Variants in TMEFF1 observed in about 807,000 individuals in gnomAD.
TMEFF1 encodes tomoregulin-1.
In TMEFF1, 20 loss-of-function variants were observed where a neutral mutation model predicts 47.5. The observed-to-expected ratio is 0.42, with a 90% CI of 0.30 to 0.61. TMEFF1 has a LOEUF of 0.61. TMEFF1 is among the 20% of genes least tolerant of loss of function. The pLI is 0.19. For synonymous variants in TMEFF1, 162 were observed against 166.3 expected, an observed-to-expected ratio of 0.97 and a Z score of 0.20; for missense variants, 411 against 471.1, an observed-to-expected ratio of 0.87 and a Z score of 1.18.
chr9:100,502,552 C>T (rs1564011835), intron 2 of TMEFF1, among the ~76,000 whole-genome samples: 1 of 152,002 alleles, frequency 6.6e-6, no homozygotes, highest in Non-Finnish European at 1.5e-5. Flanking sequence ...TTTGTAGCGC[C>T]AAGACCTCTA....
At position 100,546,546 on chromosome 9, in the gene TMEFF1, G is replaced by A. The variant is rs537628536; in HGVS notation, c.561-1198G>A. Among the ~76,000 whole-genome samples, 22 of 152,156 alleles carry A rather than the reference G, an allele frequency of 1.4e-4. No individual in the cohort carries two copies. In the South Asian group the frequency reaches 2.1e-3, roughly 14 times the overall value. On this transcript the variant is annotated intron_variant, in intron 5 of 9. Transcript: ENST00000374879. ...TCAGGCCTGCAAAGCCAAAAAATTG[G>A]TAATTGAATTTACCCAGTTTGGCAA...
intron 2 of TMEFF1, among the ~76,000 whole-genome samples, chr9:100,505,709 G>C (rs960213768): frequency 6.6e-6 from 1 of 152,104 alleles, no homozygotes; most frequent in Non-Finnish European, 1.5e-5. Context: ...AGTAATGTCC[G>C]TCTGTCAATG....
intron 5 of TMEFF1, among the ~76,000 whole-genome samples, chr9:100,535,051 G>C (rs1160086834): frequency 6.6e-6 from 1 of 152,072 alleles, no homozygotes. Context: ...TAGCTTCTGG[G>C]TGTGCAAAAA....
intron 7 of TMEFF1, 78 bp downstream of exon 7, chr9:100,550,238 A>G: frequency 2.1e-6 from 3 of 1,452,032 alleles, no homozygotes; most frequent in Non-Finnish European, 2.8e-6. Context: ...TTCTGTTTCC[A>G]TTATAACAAC....
intron 5 of TMEFF1, among the ~76,000 whole-genome samples, chr9:100,547,194 T>A (rs1243166955): frequency 1.3e-5 from 2 of 152,016 alleles, no homozygotes; most frequent in Non-Finnish European, 2.9e-5. Context: ...TTTTTTATTT[T>A]TTGTAGAGAT....
At chr9:100,476,525 G>T (rs1441303653) in intron 1 of TMEFF1, among the ~76,000 whole-genome samples, 1 of 151,756 alleles carries the variant, frequency 6.6e-6, no homozygotes, top group African/African-American at 2.4e-5. Context: ...CTCCGGAGTA[G>T]CTGGGACTAC....
At chr9:100,519,038 G>A (rs1047231589) in intron 5 of TMEFF1, among the ~76,000 whole-genome samples, 1 of 152,098 alleles carries the variant, frequency 6.6e-6, no homozygotes, top group African/African-American at 2.4e-5. Context: ...AAGAACAAAA[G>A]CTCAGTTTAA....
intron 5 of TMEFF1, among the ~76,000 whole-genome samples, chr9:100,536,793 A>G (rs917463650): frequency 2.6e-5 from 4 of 152,242 alleles, no homozygotes; most frequent in Non-Finnish European, 5.9e-5. Context: ...TATACATGAC[A>G]TAGGAAGTCA....
At chr9:100,527,090 C>A (rs1347574721) in intron 5 of TMEFF1, among the ~76,000 whole-genome samples, 2 of 151,380 alleles carry the variant, frequency 1.3e-5, no homozygotes, top group Non-Finnish European at 2.9e-5. Flanking sequence ...TTGCAGTGAG[C>A]CAAAATCGCG....
chr9:100,545,580 A>G (rs1456965701), intron 5 of TMEFF1, among the ~76,000 whole-genome samples: 4 of 152,204 alleles, frequency 2.6e-5, no homozygotes, highest in Non-Finnish European at 5.9e-5. Flanking sequence ...CATTTTCCCC[A>G]TTGTTTTGGG....
At chr9:100,557,272 A>G (rs934663426) in intron 7 of TMEFF1, among the ~76,000 whole-genome samples, 4 of 151,896 alleles carry the variant, frequency 2.6e-5, no homozygotes, top group Non-Finnish European at 4.4e-5. Flanking sequence ...CTCCACACCC[A>G]TTATTAGTCA....
At chr9:100,572,456 A>T in intron 8 of TMEFF1, 62 bp from the exon 9 acceptor site, 1 of 1,434,898 alleles carries the variant, frequency 7.0e-7, no homozygotes, top group Non-Finnish European at 9.2e-7. Flanking sequence ...TTTTTAATGT[A>T]AAAGCTTGGG....
intron 1 of TMEFF1, among the ~76,000 whole-genome samples, chr9:100,488,637 T>C (rs905383183): frequency 6.6e-6 from 1 of 152,202 alleles, no homozygotes; most frequent in African/African-American, 2.4e-5. Context: ...CTCTAAGTGC[T>C]TTCCATATCT....
intron 7 of TMEFF1, among the ~76,000 whole-genome samples, chr9:100,554,985 C>A (rs186866479): frequency 6.6e-6 from 1 of 152,220 alleles, no homozygotes; most frequent in Admixed American, 6.5e-5. Context: ...GCCAGTGGAA[C>A]AAGCCTTTGC....
At chr9:100,489,052 C>T (rs1443824787) in intron 1 of TMEFF1, among the ~76,000 whole-genome samples, 2 of 152,100 alleles carry the variant, frequency 1.3e-5, no homozygotes, top group East Asian at 1.9e-4. Flanking sequence ...AAGTTTCTAC[C>T]TGTTAACAGT....
chr9:100,561,719 T>C lies in TMEFF1; in HGVS notation c.899+199T>C, dbSNP rs183565304. 7.3e-3 allele frequency among the ~76,000 whole-genome samples: 1,110 copies of C among 152,274 alleles called. 19 individuals carry two copies. Among genetic ancestry groups the C allele is most frequent in the Non-Finnish European group, 0.011 (735 of 68,022 alleles). ...TGCAGAAAACAAAAATCTTTTTTTT[T>C]TTTAGGGCTTAACATTTTAAATATA... On this transcript the variant is annotated intron_variant, in intron 8 of 9. Coordinates refer to ENST00000374879, the MANE Select transcript of TMEFF1 (RefSeq NM_003692.5).
chr9:100,507,048 A>G (rs1170091106), intron 2 of TMEFF1, among the ~76,000 whole-genome samples: 1 of 152,054 alleles, frequency 6.6e-6, no homozygotes, highest in Non-Finnish European at 1.5e-5. Flanking sequence ...AGTAGTGTCC[A>G]GTGTCTGTTG....
intron 4 of TMEFF1, among the ~76,000 whole-genome samples, chr9:100,514,884 A>G (rs1177550915): frequency 1.3e-5 from 2 of 151,928 alleles, no homozygotes; most frequent in Admixed American, 6.6e-5. Context: ...AATCCCAGCT[A>G]CTCAGGAGGC....
At chr9:100,513,402 T>C in intron 4 of TMEFF1, 69 bp downstream of exon 4, 3 of 1,506,784 alleles carry the variant, frequency 2.0e-6, no homozygotes, top group South Asian at 2.6e-5. Context: ...TCTTTTTTTT[T>C]TTTTTTTTAA....
Sources: gnomAD v4.1 joint callset for allele counts (sites outside exome capture counted in the v4.1 genomes callset) on GRCh38, gnomAD v4.1.1 for gene constraint, MANE v1.5 for transcripts, NCBI Gene and HGNC (gene_info 2026-07-23, HGNC 2026-07-21) for gene names.